GPC6: variants seen among roughly 807,000 people sequenced by gnomAD.
GPC6 encodes the protein glypican 6, also known as glypican-6.
A neutral mutation model predicts 55.2 loss-of-function variants in GPC6; 14 were observed. That is an observed-to-expected ratio of 0.25 (90% CI 0.17 to 0.40). GPC6 has a LOEUF of 0.40. Ranked by LOEUF, GPC6 falls within the 10% of genes least tolerant of loss-of-function variation. The pLI, the probability that GPC6 is intolerant of heterozygous loss-of-function variation, is 1.00. For synonymous variants in GPC6, 278 were observed against 259.6 expected, an observed-to-expected ratio of 1.07 and a Z score of -0.68; for missense variants, 641 against 708.5, an observed-to-expected ratio of 0.90 and a Z score of 1.08.
intron 2 of GPC6, among the ~76,000 whole-genome samples, chr13:93,654,342 T>G (rs1880560455): frequency 6.6e-6 from 1 of 151,916 alleles, no homozygotes; most frequent in Non-Finnish European, 1.5e-5. Context: ...TTATTACTAT[T>G]TTTGAGACAG....
At chr13:93,951,302 A>G (rs1879242562) in intron 3 of GPC6, among the ~76,000 whole-genome samples, 1 of 152,012 alleles carries the variant, frequency 6.6e-6, no homozygotes. Context: ...AGCAAGCTTA[A>G]TTATTATTAT....
intron 3 of GPC6, among the ~76,000 whole-genome samples, chr13:93,831,170 A>G (rs1887478807): frequency 6.6e-6 from 1 of 152,196 alleles, no homozygotes; most frequent in Admixed American, 6.5e-5. Context: ...CATACCATGC[A>G]TTGCCTTGGG....
intron 7 of GPC6, among the ~76,000 whole-genome samples, chr13:94,387,385 A>G (rs1276994162): frequency 1.3e-5 from 2 of 152,170 alleles, no homozygotes; most frequent in African/African-American, 4.8e-5. Flanking sequence ...TGAAAACAAG[A>G]ATGGGTTAAA....
At chr13:93,640,033 C>A (rs905509425) in intron 2 of GPC6, among the ~76,000 whole-genome samples, 1 of 152,094 alleles carries the variant, frequency 6.6e-6, no homozygotes. Context: ...CCAATTATAT[C>A]TGCTGCCAGA....
At chr13:93,674,393 C>T (rs1361177618) in intron 2 of GPC6, among the ~76,000 whole-genome samples, 1 of 152,120 alleles carries the variant, frequency 6.6e-6, no homozygotes, top group Non-Finnish European at 1.5e-5. Context: ...CTATCTTTGA[C>T]TTTAGTTTTT....
chr13:93,861,818 T>C (rs903694278), intron 3 of GPC6, among the ~76,000 whole-genome samples: 1 of 151,734 alleles, frequency 6.6e-6, no homozygotes, highest in Non-Finnish European at 1.5e-5. Flanking sequence ...GTCGAGTTAC[T>C]TCATCCTTCT....
intron 1 of GPC6, among the ~76,000 whole-genome samples, chr13:93,407,224 A>T (rs1176181176): frequency 6.6e-6 from 1 of 152,156 alleles, no homozygotes; most frequent in South Asian, 2.1e-4. Flanking sequence ...ATCAGCAAAA[A>T]ATGAAGTAAT....
At chr13:93,769,598 C>G (rs1885227294) in intron 2 of GPC6, among the ~76,000 whole-genome samples, 1 of 152,184 alleles carries the variant, frequency 6.6e-6, no homozygotes, top group South Asian at 2.1e-4. Context: ...CACCTTATTT[C>G]TACACTCTTA....
chr13:93,391,042 A>G (rs2139217649), intron 1 of GPC6, among the ~76,000 whole-genome samples: 1 of 152,218 alleles, frequency 6.6e-6, no homozygotes, highest in Middle Eastern at 3.4e-3. Flanking sequence ...CTGGTAATCA[A>G]GGAACAACTT....
At chr13:94,032,906 T>A (rs889122191) in intron 4 of GPC6, among the ~76,000 whole-genome samples, 1 of 152,168 alleles carries the variant, frequency 6.6e-6, no homozygotes, top group African/African-American at 2.4e-5. Flanking sequence ...CGAGAGACCC[T>A]GAAGTGGGCA....
intron 6 of GPC6, among the ~76,000 whole-genome samples, chr13:94,321,752 G>C (rs1206859806): frequency 6.6e-6 from 1 of 152,076 alleles, no homozygotes; most frequent in African/African-American, 2.4e-5. Context: ...GTCCACAAAG[G>C]CAATAGCCCA....
At chr13:94,007,048 A>C (rs1882050676) in intron 3 of GPC6, among the ~76,000 whole-genome samples, 1 of 152,158 alleles carries the variant, frequency 6.6e-6, no homozygotes, top group Admixed American at 6.5e-5. Context: ...TTACAAACTA[A>C]TTTTTAAAGC....
chr13:94,002,010 T>A (rs1881826322), intron 3 of GPC6, among the ~76,000 whole-genome samples: 1 of 152,076 alleles, frequency 6.6e-6, no homozygotes. Flanking sequence ...CTTGTTAAAG[T>A]TATGCTCCTA....
At chr13:94,346,421 C>G (rs1878293053) in intron 6 of GPC6, among the ~76,000 whole-genome samples, 1 of 152,110 alleles carries the variant, frequency 6.6e-6, no homozygotes, top group Admixed American at 6.5e-5. Flanking sequence ...TCTGAAGTTT[C>G]ACTTCTAACA....
At chr13:94,245,234 C>T (rs1472950983) in intron 4 of GPC6, among the ~76,000 whole-genome samples, 2 of 151,938 alleles carry the variant, frequency 1.3e-5, no homozygotes, top group Non-Finnish European at 2.9e-5. Context: ...ATTTGGCATT[C>T]ATTTATTTAT....
At chr13:93,527,074 G>A (rs1259505892) in intron 1 of GPC6, among the ~76,000 whole-genome samples, 1 of 151,726 alleles carries the variant, frequency 6.6e-6, no homozygotes, top group African/African-American at 2.4e-5. Flanking sequence ...TTCTGTAAAG[G>A]AATTATTTAG....
At chr13:93,575,773 T>G (rs774168716) in intron 2 of GPC6, among the ~76,000 whole-genome samples, 14 of 152,192 alleles carry the variant, frequency 9.2e-5, no homozygotes, top group African/African-American at 4.8e-5. Context: ...CAAGAGCTTT[T>G]GCTTTGCAGA....
chr13:93,449,228 A>G (rs1052447313), intron 1 of GPC6, among the ~76,000 whole-genome samples: 19 of 145,428 alleles, frequency 1.3e-4, no homozygotes, highest in African/African-American at 4.7e-4. Context: ...GAGATGAAGT[A>G]TAAGGAAAGA....
intron 4 of GPC6, among the ~76,000 whole-genome samples, chr13:94,191,125 A>T (rs981156630): frequency 1.3e-5 from 2 of 152,206 alleles, no homozygotes; most frequent in African/African-American, 4.8e-5. Flanking sequence ...TTTAAGCTGC[A>T]ACGATGAAGT....
Sources: gnomAD v4.1 joint callset for allele counts (sites outside exome capture counted in the v4.1 genomes callset) on GRCh38, gnomAD v4.1.1 for gene constraint, MANE v1.5 for transcripts, NCBI Gene and HGNC (gene_info 2026-07-23, HGNC 2026-07-21) for gene names.